Variants in NFIB observed in about 807,000 individuals in gnomAD.
NFIB encodes the protein nuclear factor I B.
In NFIB, 11 loss-of-function variants were observed where a neutral mutation model predicts 61.5. The observed-to-expected ratio is 0.18, with a 90% CI of 0.11 to 0.30. The LOEUF (loss-of-function observed/expected upper bound fraction) is 0.30. NFIB is among the 10% of genes least tolerant of loss of function. The pLI is 1.00. For missense variants in NFIB, 471 were observed against 608.9 expected (o/e 0.77, Z 2.38); for synonymous variants, 260 against 216.5 (o/e 1.20, Z -1.76).
At chr9:14,247,784 T>G (rs1446043200) in intron 2 of NFIB, among the ~76,000 whole-genome samples, 3 of 152,198 alleles carry the variant, frequency 2.0e-5, no homozygotes, top group Non-Finnish European at 2.9e-5. Flanking sequence ...GTACTCTGCA[T>G]GCTTTGATGT....
At chr9:14,532,069 C>T in the NFIB span, 1 of 152,358 alleles carries the variant, frequency 6.6e-6, no homozygotes, top group African/African-American at 2.4e-5. Context: ...GAAGATAAGA[C>T]ACCTAATCAA....
chr9:14,208,600 T>G (rs997932784), intron 2 of NFIB, among the ~76,000 whole-genome samples: 1 of 151,934 alleles, frequency 6.6e-6, no homozygotes, highest in Non-Finnish European at 1.5e-5. Flanking sequence ...TCACAAGTAC[T>G]TTTGATAGAG....
intron 1 of NFIB, among the ~76,000 whole-genome samples, chr9:14,392,872 G>T (rs187781279): frequency 2.0e-5 from 3 of 152,252 alleles, no homozygotes; most frequent in East Asian, 1.9e-4. Context: ...ATTAAGCAGG[G>T]TTAATCCATG....
chr9:14,156,361 G>A (rs1462393932), intron 3 of NFIB, among the ~76,000 whole-genome samples: 1 of 152,210 alleles, frequency 6.6e-6, no homozygotes, highest in Non-Finnish European at 1.5e-5. Flanking sequence ...GTGAACTGCT[G>A]TTACCAGCAC....
At chr9:14,366,716 C>T (rs571640162) in intron 1 of NFIB, among the ~76,000 whole-genome samples, 2 of 152,230 alleles carry the variant, frequency 1.3e-5, no homozygotes, top group South Asian at 4.2e-4. Context: ...GAACTCCTGA[C>T]CTCTTGATGT....
the NFIB span, among the ~76,000 whole-genome samples, chr9:14,467,398 C>T: frequency 5.0e-4 from 76 of 151,906 alleles, no homozygotes; most frequent in South Asian, 9.2e-3. Context: ...AATTTGGGGA[C>T]GCATGAGTGG....
At chr9:14,452,162 G>A in the NFIB span, among the ~76,000 whole-genome samples, 1 of 152,040 alleles carries the variant, frequency 6.6e-6, no homozygotes, top group South Asian at 2.1e-4. Flanking sequence ...TGTTTCTAAT[G>A]AGTAATAAAG....
rs149222981 is a variant in NFIB, at chr9:14,211,131, T to C, written c.563-31351A>G. Reference sequence around the variant, plus strand: ...CACTGCAACCTGGAAAAACTTGCGGTAAAATTAAAATTTTTCATTTCAAAA... The same window carrying C: ...CACTGCAACCTGGAAAAACTTGCGGCAAAATTAAAATTTTTCATTTCAAAA... On this transcript the variant is annotated intron_variant, in intron 2 of 10. Transcript: ENST00000380953. 1.8e-4 allele frequency among the ~76,000 whole-genome samples: 28 copies of C among 152,316 alleles called. No individual in the cohort carries two copies. In the East Asian group the frequency reaches 5.0e-3, roughly 27 times the overall value.
At position 14,120,546 on chromosome 9, in the gene NFIB, C is replaced by A; in HGVS notation, c.1139G>T (p.Ser380Ile). Residue 380 changes from serine (S) to isoleucine (I), a missense_variant, in exon 8 of 11, where the codon AGC becomes ATC. Transcript: ENST00000380953. The surrounding 1 kb of genome is among the most constrained non-coding windows in gnomAD (Gnocchi z 4.4). ...TQAILPPAPS[S>I]YFSHPTIRYP... The stretch of plus-strand genomic sequence containing the variant: ...TCTGATTGTTGGATGAGAAAAGTAG[C>A]TCGATGGGGCTGGAGGAAGGATAGC... The A allele has an allele frequency of 6.2e-7, 1 of 1,613,878 alleles. No homozygotes were observed. The highest frequency in any genetic ancestry group is 8.5e-7 in the Non-Finnish European group (1 of 1,179,948).
intron 2 of NFIB, among the ~76,000 whole-genome samples, chr9:14,186,355 G>A (rs1174082079): frequency 6.6e-6 from 1 of 152,102 alleles, no homozygotes; most frequent in Non-Finnish European, 1.5e-5. Flanking sequence ...ATAGCCCATT[G>A]TCAATGAAAG....
intron 1 of NFIB, among the ~76,000 whole-genome samples, chr9:14,364,080 AATTATTAT>A (rs1360470229): frequency 4.6e-5 from 7 of 152,174 alleles, no homozygotes; most frequent in Admixed American, 2.0e-4. Context: ...CCAGGAGATG[AATTATTAT>A]TGGGTCAAAG....
intron 2 of NFIB, among the ~76,000 whole-genome samples, chr9:14,296,675 T>G (rs977969259): frequency 3.3e-5 from 5 of 152,228 alleles, no homozygotes; most frequent in African/African-American, 1.2e-4. Context: ...TCGCTGGAAC[T>G]TGACTATGCT....
chr9:14,092,899 A>C (rs1300785429), intron 10 of NFIB, among the ~76,000 whole-genome samples: 1 of 152,036 alleles, frequency 6.6e-6, no homozygotes, highest in Non-Finnish European at 1.5e-5. Flanking sequence ...CTTCGCATCT[A>C]CCTACAAAGA....
intron 10 of NFIB, among the ~76,000 whole-genome samples, chr9:14,110,736 C>G (rs1220849101): frequency 6.6e-6 from 1 of 151,990 alleles, no homozygotes; most frequent in Non-Finnish European, 1.5e-5. Flanking sequence ...TTCTATAATT[C>G]TTTTAAAATT....
chr9:14,419,805 G>A, the NFIB span, among the ~76,000 whole-genome samples: 5 of 152,140 alleles, frequency 3.3e-5, no homozygotes, highest in South Asian at 2.1e-4. Flanking sequence ...CACTGCCCAC[G>A]CAGCTTTGTC....
chr9:14,195,823 A>T (rs1307015533), intron 2 of NFIB, among the ~76,000 whole-genome samples: 1 of 152,214 alleles, frequency 6.6e-6, no homozygotes, highest in Admixed American at 6.5e-5. Flanking sequence ...CATTGCAAAC[A>T]TAGACAAAGG....
chr9:14,455,917 G>A, the NFIB span, among the ~76,000 whole-genome samples: 1 of 152,102 alleles, frequency 6.6e-6, no homozygotes, highest in Non-Finnish European at 1.5e-5. Context: ...CAATGGGAGA[G>A]TTTTGAAAAT....
chr9:14,366,071 G>A (rs564652279), intron 1 of NFIB, among the ~76,000 whole-genome samples: 8 of 152,190 alleles, frequency 5.3e-5, no homozygotes, highest in African/African-American at 1.7e-4. Context: ...CCCTCCAGAC[G>A]CTCCTGATCA....
At chr9:14,382,383 G>A (rs1367187848) in intron 1 of NFIB, among the ~76,000 whole-genome samples, 1 of 151,834 alleles carries the variant, frequency 6.6e-6, no homozygotes. Flanking sequence ...AGGGAGATAG[G>A]AGTCTGTCCA....
Sources: gnomAD v4.1 joint callset for allele counts (sites outside exome capture counted in the v4.1 genomes callset) on GRCh38, gnomAD v4.1.1 for gene constraint, Gnocchi (gnomAD v3.1) non-coding constraint, MANE v1.5 for transcripts, NCBI Gene and HGNC (gene_info 2026-07-23, HGNC 2026-07-21) for gene names.